The following PELO variants were observed in gnomAD, a reference collection of about 807,000 sequenced individuals.
The protein encoded by PELO is protein pelota homolog.
A neutral mutation model predicts 25.9 loss-of-function variants in PELO; 19 were observed. The ratio of observed to expected loss-of-function variants is 0.73; its 90% CI spans 0.51 to 1.08. PELO has a LOEUF of 1.08. Among genes scored for constraint, PELO ranks in the 50% least tolerant of loss-of-function variants. PELO has a pLI of 0.00. For synonymous variants in PELO, 196 were observed against 192.2 expected (o/e 1.02, Z -0.16); for missense variants, 498 against 491.4 (o/e 1.01, Z -0.13).
In PELO at chr5:52,801,907, C is replaced by A; in HGVS notation, c.*67C>A. 8.0e-7 allele frequency: 1 copy of A among 1,246,966 alleles called. No homozygotes were observed. The allele number at this position is 1,246,966 out of a possible 1,614,324, so 77.2% of individuals were successfully genotyped here. ...CTGTTACAGTACATTTCTCAGCATC[C>A]TTGTGACAGAAAGCTGCAAGAATGG... On this transcript the variant is annotated 3_prime_UTR_variant, in exon 3 of 3. Transcript: ENST00000274311.
chr5:52,801,268 T>A, intron 2 of PELO, 141 bp from the exon 3 acceptor site: 1 of 1,138,270 alleles, frequency 8.8e-7, no homozygotes, highest in Non-Finnish European at 1.3e-6. Context: ...AAGAGAATGT[T>A]AAATGTCTAG....
In PELO at chr5:52,803,960, C is replaced by T. The variant is rs1030886929; in HGVS notation, c.*2120C>T. 7.2e-5 allele frequency: 11 copies of T among 152,292 alleles called. No individual in the cohort carries two copies. The highest frequency in any genetic ancestry group is 2.4e-4 in the African/African-American group (10 of 41,562). 9.4% of individuals were successfully genotyped at this position (152,292 alleles called of 1,614,324 possible). On this transcript the variant is annotated 3_prime_UTR_variant, in exon 3 of 3. Coordinates refer to ENST00000274311, the MANE Select transcript of PELO (RefSeq NM_015946.5). The stretch of plus-strand genomic sequence containing the variant: ...CTTTCAAAAAAGTTAACTGGCCATA[C>T]TCAACTGTCTATAAAACCTCTATAA...
At chr5:52,798,381 C>T (rs1400093577) in intron 1 of PELO, among the ~76,000 whole-genome samples, 3 of 138,978 alleles carry the variant, frequency 2.2e-5, no homozygotes, top group African/African-American at 8.2e-5. Flanking sequence ...GGGGACCTTT[C>T]CGTCCCCTGA....
At position 52,801,210 on chromosome 5, in the gene PELO, A is replaced by G. The variant is rs1343016967; in HGVS notation, c.726+90A>G. 8.3e-6 allele frequency: 11 copies of G among 1,328,350 alleles called. No homozygotes were observed. In the East Asian group the frequency reaches 2.6e-4, roughly 31 times the overall value. The allele number at this position is 1,328,350 out of a possible 1,614,324, so 82.3% of individuals were successfully genotyped here. A position where few individuals can be genotyped will look rare whatever the true frequency, so the allele number is the denominator to read the frequency against. On this transcript the variant is annotated intron_variant, in intron 2 of 2. Transcript: ENST00000274311. ...AGTTTTAGAACTGGGAAAAATAAGA[A>G]GAGAAAGTCTTTACTTAGCTGGGAT...
At position 52,790,049 on chromosome 5, in the gene PELO, A is replaced by G. The variant is rs148255739; in HGVS notation, c.-511+1635A>G. Among the ~76,000 whole-genome samples the G allele has an allele frequency of 9.5e-4, 145 of 152,326 alleles. 1 individual carries two copies. Among genetic ancestry groups the G allele is most frequent in the African/African-American group, 3.2e-3 (131 of 41,578 alleles). On this transcript the variant is annotated intron_variant, in intron 1 of 2. Coordinates refer to ENST00000274311, the MANE Select transcript of PELO (RefSeq NM_015946.5). ...AAATTGGACTGCTTTCCCATCAGTC[A>G]TTATATTCTGTAGGCTCTTCTTTAG... is the stretch of plus-strand genomic sequence containing the variant.
chr5:52,795,914 C>G (rs796196508), intron 1 of PELO, among the ~76,000 whole-genome samples: 1 of 151,880 alleles, frequency 6.6e-6, no homozygotes, highest in African/African-American at 2.4e-5. Flanking sequence ...CAGGAAAGAC[C>G]ATATTTGAGG....
intron 1 of PELO, among the ~76,000 whole-genome samples, chr5:52,791,927 AAAAT>A (rs1287517544): frequency 6.6e-6 from 1 of 152,210 alleles, no homozygotes; most frequent in East Asian, 1.9e-4. Flanking sequence ...TAAATGCTCT[AAAAT>A]AATATGCTAT....
At chr5:52,788,847 A>C (rs2111634092) in intron 1 of PELO, among the ~76,000 whole-genome samples, 1 of 150,612 alleles carries the variant, frequency 6.6e-6, no homozygotes, top group South Asian at 2.1e-4. Context: ...AGTGGACATT[A>C]TTGAATTTTC....
In PELO at chr5:52,800,232, G is replaced by A; in HGVS notation, c.-163G>A. On this transcript the variant is annotated 5_prime_UTR_variant, in exon 2 of 3. Transcript: ENST00000274311. ...AAAGGATAGAGGAAGTGCTGCCCTA[G>A]GCTGCATGAGTCGAAGCAAGCGTGT... 1.5e-6 allele frequency: 1 copy of A among 663,688 alleles called. No individual in the cohort carries two copies. The highest frequency in any genetic ancestry group is 2.6e-6 in the Non-Finnish European group (1 of 385,030). The allele number at this position is 663,688 out of a possible 1,614,324, so 41.1% of individuals were successfully genotyped here. A position where few individuals can be genotyped will look rare whatever the true frequency, so the allele number is the denominator to read the frequency against.
intron 1 of PELO, among the ~76,000 whole-genome samples, chr5:52,790,841 C>T (rs1748223671): frequency 6.6e-6 from 1 of 152,226 alleles, no homozygotes. Flanking sequence ...TACCACAACC[C>T]ATAAGCATAA....
At chr5:52,798,709 G>C (rs1196796937) in intron 1 of PELO, among the ~76,000 whole-genome samples, 1 of 152,152 alleles carries the variant, frequency 6.6e-6, no homozygotes, top group Non-Finnish European at 1.5e-5. Context: ...ATGGGGCAGG[G>C]GAACAATCAG....
In PELO at chr5:52,802,146, A is replaced by G. The variant is rs532128061; in HGVS notation, c.*306A>G. The G allele has an allele frequency of 4.0e-5, 10 of 250,672 alleles. No homozygotes were observed. The South Asian group carries it at 6.2e-4, about 15-fold the overall frequency. The allele number at this position is 250,672 out of a possible 1,614,324, so 15.5% of individuals were successfully genotyped here. A position where few individuals can be genotyped will look rare whatever the true frequency, so the allele number is the denominator to read the frequency against. On this transcript the variant is annotated 3_prime_UTR_variant, in exon 3 of 3. Transcript: ENST00000274311. ...TATTTAAAGACGATGCCTATGCAGTATATTGTTTGGGATAGATTGCAAAAT... is the reference window on the plus strand; with the variant it reads ...TATTTAAAGACGATGCCTATGCAGTGTATTGTTTGGGATAGATTGCAAAAT...
At chr5:52,793,410 G>A (rs1475447864) in intron 1 of PELO, among the ~76,000 whole-genome samples, 1 of 151,768 alleles carries the variant, frequency 6.6e-6, no homozygotes, top group Non-Finnish European at 1.5e-5. Flanking sequence ...TATAAATAAT[G>A]GAATGGAAGA....
At position 52,800,703 on chromosome 5, in the gene PELO, G is replaced by C. The variant is rs1414219660; in HGVS notation, c.309G>C (p.Glu103Asp). The C allele has an allele frequency of 1.9e-6, 3 of 1,614,204 alleles. No homozygotes were observed. The Admixed American group carries it at 5.0e-5, about 27-fold the overall frequency. The change falls in exon 2 of 3, where the codon GAG becomes GAC. Residue 103 changes from glutamate (E) to aspartate (D), a missense_variant. Physicochemically the swap from Glu to Asp is conservative, Grantham distance 45. Coordinates refer to ENST00000274311, the MANE Select transcript of PELO (RefSeq NM_015946.5). ...AGATGGGGGCTTACCACACCATCGA[G>C]CTGGAGCCCAACCGCCAGTTCACCC... ...YVKMGAYHTIELEPNRQFTLA... is the reference protein window; with the variant it reads ...YVKMGAYHTIDLEPNRQFTLA...
rs1385253226 is a variant in PELO at position 52,801,547 on chromosome 5, C to G, written c.865C>G (p.Pro289Ala). 6 of 1,614,124 alleles carry G rather than the reference C, an allele frequency of 3.7e-6. No individual in the cohort carries two copies. The highest frequency in any genetic ancestry group is 5.1e-6 in the Non-Finnish European group (6 of 1,180,018). ...DDFYKMLQHE[P>A]DRAFYGLKQV... The stretch of plus-strand genomic sequence containing the variant: ...CTTCTATAAAATGTTACAGCATGAA[C>G]CGGATCGAGCTTTCTATGGACTCAA... Residue 289 changes from proline to alanine, a missense_variant, in exon 3 of 3, where the codon CCG becomes GCG. Coordinates refer to ENST00000274311, the MANE Select transcript of PELO (RefSeq NM_015946.5).
At chr5:52,790,859 A>C (rs1185572801) in intron 1 of PELO, among the ~76,000 whole-genome samples, 1 of 152,216 alleles carries the variant, frequency 6.6e-6, no homozygotes, top group African/African-American at 2.4e-5. Context: ...TAAACTGTCC[A>C]TTATAGCCAA....
intron 2 of PELO, 85 bp downstream of exon 2, chr5:52,801,205 TAAG>T: frequency 1.5e-6 from 2 of 1,363,324 alleles, no homozygotes; most frequent in Non-Finnish European, 2.0e-6. Flanking sequence ...CTGGGAAAAA[TAAG>T]AAGAGAAAGT....
Position 52,800,442 on chromosome 5 carries a change from G to T in PELO, c.48G>T (p.Val16=), listed in dbSNP as rs746048979. Residue 16 remains valine (V), a synonymous_variant, in exon 2 of 3, where the codon GTG becomes GTT. Transcript: ENST00000274311. ...TCGAGAAGGACAATGCGGGCCAGGT[G>T]ACCCTGGTCCCCGAGGAGCCTGAGG... ...KNIEKDNAGQ[V]TLVPEEPEDM... is the part of the protein sequence containing the mutation. 6.2e-7 allele frequency: 1 copy of T among 1,613,980 alleles called. No individual in the cohort carries two copies. The highest frequency in any genetic ancestry group is 8.5e-7 in the Non-Finnish European group (1 of 1,179,946).
intron 1 of PELO, among the ~76,000 whole-genome samples, chr5:52,797,274 GAT>G (rs1330078364): frequency 6.6e-6 from 1 of 151,954 alleles, no homozygotes. Flanking sequence ...GAGGCACACT[GAT>G]ATTTTTTAAA....
Sources: gnomAD v4.1 joint callset for allele counts (sites outside exome capture counted in the v4.1 genomes callset) on GRCh38, gnomAD v4.1.1 for gene constraint, MANE v1.5 for transcripts, NCBI Gene and HGNC (gene_info 2026-07-23, HGNC 2026-07-21) for gene names.